Variants in THADA observed in about 807,000 individuals in gnomAD.
THADA encodes the protein THADA armadillo repeat containing.
In THADA, 213 loss-of-function variants were observed where a neutral mutation model predicts 219.8. That is an observed-to-expected ratio of 0.97 (90% CI 0.87 to 1.09). The LOEUF (loss-of-function observed/expected upper bound fraction) is 1.09, where lower values mean the gene tolerates loss of function less well. THADA is among the 50% of genes least tolerant of loss of function. THADA has a pLI of 0.00. For synonymous variants in THADA, 1,018 were observed against 828.9 expected, an observed-to-expected ratio of 1.23 and a Z score of -3.92; for missense variants, 2,956 against 2,311.3, an observed-to-expected ratio of 1.28 and a Z score of -5.72.
chr2:43,485,093 T>C lies in THADA; in HGVS notation c.3836+141A>G, dbSNP rs936266762. Reference sequence around the variant, plus strand: ...CCCAAGGGTTTATAACTTGGCAGCATAGGTTAATTCATTACAGTATTTTTA... The same window carrying C: ...CCCAAGGGTTTATAACTTGGCAGCACAGGTTAATTCATTACAGTATTTTTA... On this transcript the variant is annotated intron_variant, in intron 26 of 37. Coordinates refer to ENST00000405975, the MANE Select transcript of THADA (RefSeq NM_022065.5). 7 of 575,384 alleles carry C rather than the reference T, an allele frequency of 1.2e-5. No homozygotes were observed. The South Asian group carries it at 1.5e-4, about 12-fold the overall frequency. The allele number at this position is 575,384 out of a possible 1,614,324, so 35.6% of individuals were successfully genotyped here.
chr2:43,427,682 C>T (rs1176406011), intron 28 of THADA, among the ~76,000 whole-genome samples: 1 of 149,088 alleles, frequency 6.7e-6, no homozygotes, highest in Non-Finnish European at 1.5e-5. Flanking sequence ...TATGGCCGGG[C>T]GCGGTGGCTC....
intron 28 of THADA, among the ~76,000 whole-genome samples, chr2:43,402,741 C>T (rs1204735450): frequency 6.6e-6 from 1 of 152,176 alleles, no homozygotes; most frequent in East Asian, 1.9e-4. Context: ...ACAGAAGAAC[C>T]AGCCAATGAT....
intron 36 of THADA, among the ~76,000 whole-genome samples, chr2:43,246,519 C>CAAACA (rs1553351531): frequency 6.0e-5 from 9 of 149,468 alleles, no homozygotes; most frequent in Non-Finnish European, 1.2e-4. Flanking sequence ...AACAAACAAA[C>CAAACA]AAAAAAAAAC....
At chr2:43,318,717 C>G (rs1170903739) in intron 31 of THADA, among the ~76,000 whole-genome samples, 1 of 152,124 alleles carries the variant, frequency 6.6e-6, no homozygotes, top group African/African-American at 2.4e-5. Flanking sequence ...AAGTGAAATA[C>G]TGTTAAGTTA....
chr2:43,249,410 G>T (rs946096200), intron 36 of THADA, among the ~76,000 whole-genome samples: 1 of 152,132 alleles, frequency 6.6e-6, no homozygotes, highest in Non-Finnish European at 1.5e-5. Context: ...TTCTAAGCAG[G>T]CTCCTTGCTT....
chr2:43,570,191 G>A (rs1022832821), intron 14 of THADA, among the ~76,000 whole-genome samples, 197 bp downstream of exon 14: 6 of 152,134 alleles, frequency 3.9e-5, no homozygotes, highest in Non-Finnish European at 5.9e-5. Flanking sequence ...ACAGTCCTCC[G>A]GTACAGCACT....
intron 4 of THADA, 51 bp downstream of exon 4, chr2:43,590,773 T>C: frequency 1.3e-6 from 2 of 1,592,442 alleles, no homozygotes; most frequent in Non-Finnish European, 1.7e-6. Context: ...CAGTTACTTT[T>C]GGTCAAATTC....
chr2:43,569,281 A>G (rs1489530282), intron 14 of THADA, among the ~76,000 whole-genome samples: 3 of 152,300 alleles, frequency 2.0e-5, no homozygotes, highest in Non-Finnish European at 4.4e-5. Context: ...GTCGCTTTTA[A>G]TGACTCCCAG....
chr2:43,232,160 CTTCT>C (rs1667504782), intron 37 of THADA, among the ~76,000 whole-genome samples: 1 of 151,960 alleles, frequency 6.6e-6, no homozygotes, highest in East Asian at 1.9e-4. Context: ...CATCCAGGGG[CTTCT>C]TTTTTTCTTT....
At chr2:43,333,384 A>C (rs944281570) in intron 30 of THADA, 1 of 152,096 alleles carries the variant, frequency 6.6e-6, no homozygotes, top group Non-Finnish European at 1.5e-5. Context: ...CTGGAGGATT[A>C]AAGACGGGTC....
At chr2:43,426,179 T>G (rs977832345) in intron 28 of THADA, among the ~76,000 whole-genome samples, 2 of 152,232 alleles carry the variant, frequency 1.3e-5, no homozygotes, top group Non-Finnish European at 2.9e-5. Flanking sequence ...AATGGATACT[T>G]TGAATATAAT....
intron 31 of THADA, among the ~76,000 whole-genome samples, chr2:43,301,307 A>G (rs1374594068): frequency 6.6e-6 from 1 of 152,220 alleles, no homozygotes; most frequent in Non-Finnish European, 1.5e-5. Flanking sequence ...AAAAACACCA[A>G]AGGAGAGAAA....
At chr2:43,294,059 T>C (rs1402923380) in intron 31 of THADA, among the ~76,000 whole-genome samples, 2 of 152,218 alleles carry the variant, frequency 1.3e-5, no homozygotes, top group Non-Finnish European at 2.9e-5. Flanking sequence ...GTCATCTTTC[T>C]CCCACTTTGT....
At chr2:43,396,204 GGGGGCTACCCACT>G (rs1489037179) in intron 29 of THADA, among the ~76,000 whole-genome samples, 1 of 152,162 alleles carries the variant, frequency 6.6e-6, no homozygotes, top group Non-Finnish European at 1.5e-5. Context: ...GTTCCCACTT[GGGGGCTACCCACT>G]GGGAGCCTTT....
chr2:43,406,242 T>C (rs1390487028), intron 28 of THADA, among the ~76,000 whole-genome samples: 1 of 152,228 alleles, frequency 6.6e-6, no homozygotes, highest in African/African-American at 2.4e-5. Context: ...CAAGGAGATT[T>C]TCCAACAGGG....
chr2:43,339,737 A>C (rs1466397769), intron 30 of THADA, among the ~76,000 whole-genome samples: 1 of 152,220 alleles, frequency 6.6e-6, no homozygotes, highest in African/African-American at 2.4e-5. Flanking sequence ...ATATAATACT[A>C]ATTACAACTC....
chr2:43,572,954 T>C lies in THADA; in HGVS notation c.1768A>G (p.Ser590Gly), dbSNP rs1258607495. 6.2e-7 allele frequency: 1 copy of C among 1,613,938 alleles called. No individual in the cohort carries two copies. Among genetic ancestry groups the C allele is most frequent in the Non-Finnish European group, 8.5e-7 (1 of 1,179,846 alleles). Residue 590 changes from serine to glycine, a missense_variant, in exon 12 of 38, where the codon AGC becomes GGC. Ser to Gly is a moderately conservative substitution (Grantham distance 56). Transcript: ENST00000405975. ...QSFPSLGSCN[S>G]RGALGALMAC... is the part of the protein sequence containing the mutation. ...ATCAAAGCTCCCAGAGCCCCCCTGC[T>C]ATTACAAGACCCTAAGGATGGGAAA...
At chr2:43,405,556 T>C (rs1295083001) in intron 28 of THADA, among the ~76,000 whole-genome samples, 2 of 152,188 alleles carry the variant, frequency 1.3e-5, no homozygotes, top group African/African-American at 4.8e-5. Flanking sequence ...AGTTGCTCCT[T>C]TTCCTGCAAT....
rs752346798 is a variant in THADA at position 43,292,092 on chromosome 2, T to G, written c.4937+12A>C. On this transcript the variant is annotated intron_variant, in intron 33 of 37. Coordinates refer to ENST00000405975, the MANE Select transcript of THADA (RefSeq NM_022065.5). ...TCTTACCAAGGTTGCACAGGAGGTT[T>G]TGGGGGCAAACCTTTCATTGGAAGC... 1.9e-6 allele frequency: 3 copies of G among 1,576,586 alleles called. No homozygotes were observed. Among genetic ancestry groups the G allele is most frequent in the Middle Eastern group, 1.7e-4 (1 of 5,978 alleles).
Sources: allele counts gnomAD v4.1 joint callset (sites outside exome capture counted in the v4.1 genomes callset), GRCh38; gene constraint gnomAD v4.1.1; transcripts MANE v1.5; gene names NCBI Gene and HGNC (gene_info 2026-07-23, HGNC 2026-07-21).